PDCD1LG2: variants seen among roughly 807,000 people sequenced by gnomAD.
PDCD1LG2 encodes the protein programmed cell death 1 ligand 2, also known as B7 dendritic cell molecule.
Under a neutral mutation model 28.2 loss-of-function variants are expected in PDCD1LG2, and 32 were observed. That is an observed-to-expected ratio of 1.13 (90% CI 0.86 to 1.52). The LOEUF is 1.52. Ranked by LOEUF, PDCD1LG2 falls within the 40% of genes most tolerant of loss-of-function variation. PDCD1LG2 has a pLI of 0.00. For missense variants in PDCD1LG2, 385 were observed against 323.8 expected, an observed-to-expected ratio of 1.19 and a Z score of -1.45; for synonymous variants, 116 against 120.2, an observed-to-expected ratio of 0.97 and a Z score of 0.23.
chr9:5,567,996 T>TTA (rs1816698005), intron 6 of PDCD1LG2, among the ~76,000 whole-genome samples: 1 of 152,262 alleles, frequency 6.6e-6, no homozygotes, highest in African/African-American at 2.4e-5. Flanking sequence ...ACCTGAGAAC[T>TTA]GACCACAGCG....
At chr9:5,559,496 G>A (rs766314552) in intron 5 of PDCD1LG2, among the ~76,000 whole-genome samples, 1 of 152,166 alleles carries the variant, frequency 6.6e-6, no homozygotes, top group South Asian at 2.1e-4. Context: ...CTGGGACCTT[G>A]TGCTGCCATT....
At chr9:5,557,293 T>A (rs549873865) in intron 4 of PDCD1LG2, among the ~76,000 whole-genome samples, 1 of 152,044 alleles carries the variant, frequency 6.6e-6, no homozygotes, top group Non-Finnish European at 1.5e-5. Flanking sequence ...AAAAATAACA[T>A]GAGAGAGTGG....
Position 5,522,551 on chromosome 9 carries a change from T to C in PDCD1LG2, c.5T>C (p.Ile2Thr), listed in dbSNP as rs764540241. The change falls in exon 2 of 7, where the codon ATC (isoleucine) becomes ACC (threonine). Residue 2 changes from isoleucine to threonine, a missense_variant. Ile to Thr is a moderately conservative substitution (Grantham distance 89, BLOSUM62 -1). Coordinates refer to ENST00000397747, the MANE Select transcript of PDCD1LG2 (RefSeq NM_025239.4). Reference protein sequence around the residue: MIFLLLMLSLEL... With the variant: MTFLLLMLSLEL... ...ATTTCAGATCAAATACAGAACATGA[T>C]CTTCCTCCTGCTAATGTTGAGCCTG... 1 of 1,613,722 alleles carries C rather than the reference T, an allele frequency of 6.2e-7. No individual in the cohort carries two copies. The highest frequency in any genetic ancestry group is 1.1e-5 in the South Asian group (1 of 91,040).
At chr9:5,526,086 C>G (rs1341275871) in intron 2 of PDCD1LG2, among the ~76,000 whole-genome samples, 1 of 151,568 alleles carries the variant, frequency 6.6e-6, no homozygotes, top group Non-Finnish European at 1.5e-5. Context: ...CTGATAAGCC[C>G]GATATTCAGG....
rs1246322676 is a variant in PDCD1LG2 at position 5,510,776 on chromosome 9, T to C, written c.-42T>C. 2 of 152,664 alleles carry C rather than the reference T, an allele frequency of 1.3e-5. No individual in the cohort carries two copies. The highest frequency in any genetic ancestry group is 2.9e-5 in the Non-Finnish European group (2 of 68,048). 9.5% of individuals were successfully genotyped at this position (152,664 alleles called of 1,614,324 possible). A position where few individuals can be genotyped will look rare whatever the true frequency, so the allele number is the denominator to read the frequency against. ...TTTTTGTTGTTTACTTTTGCATCTT[T>C]ACTTGTGGAGCTGTGGCAAGTCCTC... On this transcript the variant is annotated 5_prime_UTR_variant, in exon 1 of 7. Transcript: ENST00000397747.
At chr9:5,539,010 C>A (rs1232226988) in intron 3 of PDCD1LG2, among the ~76,000 whole-genome samples, 1 of 151,906 alleles carries the variant, frequency 6.6e-6, no homozygotes, top group Non-Finnish European at 1.5e-5. Context: ...CTATTTGAAG[C>A]TATATACTGT....
chr9:5,517,973 G>C (rs1011000453), intron 1 of PDCD1LG2, among the ~76,000 whole-genome samples: 7 of 152,188 alleles, frequency 4.6e-5, no homozygotes, highest in African/African-American at 1.7e-4. Context: ...TAAGGTGATG[G>C]CAGTGGGGTG....
At chr9:5,547,385 T>C (rs550647506) in intron 3 of PDCD1LG2, among the ~76,000 whole-genome samples, 22 of 152,312 alleles carry the variant, frequency 1.4e-4, no homozygotes, top group Admixed American at 7.8e-4. Context: ...TCACCAAATA[T>C]CAACAGGTGA....
intron 2 of PDCD1LG2, among the ~76,000 whole-genome samples, chr9:5,530,811 AC>A (rs1461461159): frequency 6.6e-6 from 1 of 152,224 alleles, no homozygotes; most frequent in Admixed American, 6.5e-5. Flanking sequence ...CCAAATGCAG[AC>A]CAGTGTTATA....
chr9:5,521,109 C>A (rs10975157), intron 1 of PDCD1LG2, among the ~76,000 whole-genome samples: 20,861 of 152,134 alleles, frequency 0.14, 1,934 homozygotes, highest in East Asian at 0.4. Context: ...AAAAAGCCAG[C>A]CACAAAAGTC....
chr9:5,550,631 C>T (rs1240400352), intron 4 of PDCD1LG2, among the ~76,000 whole-genome samples: 1 of 152,092 alleles, frequency 6.6e-6, no homozygotes. Flanking sequence ...TGGCCCCTCC[C>T]TCTATCTTCA....
At chr9:5,532,710 G>T (rs1820505860) in intron 2 of PDCD1LG2, among the ~76,000 whole-genome samples, 1 of 152,190 alleles carries the variant, frequency 6.6e-6, no homozygotes, top group East Asian at 1.9e-4. Flanking sequence ...TCTGATCAGA[G>T]AATGGACTGT....
At chr9:5,542,117 A>T (rs1820698543) in intron 3 of PDCD1LG2, among the ~76,000 whole-genome samples, 1 of 152,212 alleles carries the variant, frequency 6.6e-6, no homozygotes, top group Admixed American at 6.5e-5. Context: ...TGCTGGGATA[A>T]TTGGCTAGCC....
intron 1 of PDCD1LG2, among the ~76,000 whole-genome samples, chr9:5,512,493 ATGCTCTTCTGACCAC>A (rs1820081323): frequency 6.6e-6 from 1 of 152,036 alleles, no homozygotes; most frequent in African/African-American, 2.4e-5. Flanking sequence ...GGAGCTTCTG[ATGCTCTTCTGACCAC>A]CTTGTCTCTG....
At chr9:5,534,638 G>A in intron 2 of PDCD1LG2, 107 bp from the exon 3 acceptor site, 1 of 956,456 alleles carries the variant, frequency 1.0e-6, no homozygotes, top group Non-Finnish European at 1.5e-6. Context: ...AGATAAGACA[G>A]GTGCCTTTTG....
At position 5,570,086 on chromosome 9, in the gene PDCD1LG2, C is replaced by A; in HGVS notation, c.*127C>A. 1 of 1,192,952 alleles carries A rather than the reference C, an allele frequency of 8.4e-7. No individual in the cohort carries two copies. Among genetic ancestry groups the A allele is most frequent in the Non-Finnish European group, 1.2e-6 (1 of 809,664 alleles). The allele number at this position is 1,192,952 out of a possible 1,614,324, so 73.9% of individuals were successfully genotyped here. A position where few individuals can be genotyped will look rare whatever the true frequency, so the allele number is the denominator to read the frequency against. On this transcript the variant is annotated 3_prime_UTR_variant, in exon 7 of 7. Coordinates refer to ENST00000397747, the MANE Select transcript of PDCD1LG2 (RefSeq NM_025239.4). ...TTTCAAATGCCTTTGGATGACCCAG[C>A]ACTTTAATCTGAAACCTGCAACAAG...
intron 2 of PDCD1LG2, among the ~76,000 whole-genome samples, chr9:5,531,809 TC>T (rs1384184856): frequency 6.6e-6 from 1 of 152,212 alleles, no homozygotes; most frequent in Non-Finnish European, 1.5e-5. Flanking sequence ...CCCATTTTCT[TC>T]CCTGTTTCCT....
intron 6 of PDCD1LG2, among the ~76,000 whole-genome samples, chr9:5,565,336 C>T (rs376110367): frequency 9.9e-4 from 150 of 152,186 alleles, no homozygotes; most frequent in African/African-American, 3.3e-3. Context: ...TGCATGCCAC[C>T]GTACCTGGAT....
chr9:5,555,590 G>A (rs1816422558), intron 4 of PDCD1LG2, among the ~76,000 whole-genome samples: 2 of 152,290 alleles, frequency 1.3e-5, no homozygotes, highest in South Asian at 2.1e-4. Flanking sequence ...TAACACTCAG[G>A]TGGTTCAGAG....
Sources: gnomAD v4.1 joint callset for allele counts (sites outside exome capture counted in the v4.1 genomes callset) on GRCh38, gnomAD v4.1.1 for gene constraint, MANE v1.5 for transcripts, NCBI Gene and HGNC (gene_info 2026-07-23, HGNC 2026-07-21) for gene names.